Variants in SGCD observed in about 807,000 individuals in gnomAD.
SGCD encodes the protein delta-sarcoglycan.
SGCD carries 18 observed loss-of-function variants against 36.6 expected under a neutral mutation model. The ratio of observed to expected loss-of-function variants is 0.49; its 90% CI spans 0.34 to 0.73. SGCD has a LOEUF of 0.73. SGCD is among the 30% of genes least tolerant of loss of function. The pLI, the probability that SGCD is intolerant of heterozygous loss-of-function variation, is 0.01. For synonymous variants in SGCD, 133 were observed against 130.6 expected, an observed-to-expected ratio of 1.02 and a Z score of -0.12; for missense variants, 387 against 346.7, an observed-to-expected ratio of 1.12 and a Z score of -0.92.
chr5:156,571,505 T>C (rs776397800), intron 4 of SGCD, among the ~76,000 whole-genome samples: 2 of 152,180 alleles, frequency 1.3e-5, no homozygotes, highest in Admixed American at 1.3e-4. Flanking sequence ...CAGTAACCTC[T>C]ATAGCACCCT....
rs557226978 is a variant in SGCD at position 156,009,393 on chromosome 5, G to C, written c.-281-108485G>C. On this transcript the variant is annotated intron_variant, in intron 1 of 9. Coordinates refer to the SGCD transcript ENST00000517913. ...CTCTACCATATACATACCTACACCT[G>C]GTCAAGATCTTGGCCAAGTGGCTCA... is the stretch of plus-strand genomic sequence containing the variant. 1.2e-3 allele frequency among the ~76,000 whole-genome samples: 182 copies of C among 152,152 alleles called. 1 individual carries two copies. The highest frequency in any genetic ancestry group is 4.1e-3 in the African/African-American group (171 of 41,496).
At chr5:155,779,018 A>G in the SGCD span, among the ~76,000 whole-genome samples, 1 of 152,162 alleles carries the variant, frequency 6.6e-6, no homozygotes, top group Non-Finnish European at 1.5e-5. Flanking sequence ...GGAAAATTGT[A>G]TTGCCATCTC....
At chr5:155,998,851 G>T (rs1181494002) in intron 1 of SGCD, among the ~76,000 whole-genome samples, 4 of 152,112 alleles carry the variant, frequency 2.6e-5, no homozygotes, top group African/African-American at 4.8e-5. Context: ...GCTGGGAACT[G>T]GACATATTAC....
intron 7 of SGCD, among the ~76,000 whole-genome samples, chr5:156,678,036 T>C (rs1365877132): frequency 1.3e-5 from 2 of 152,162 alleles, no homozygotes; most frequent in African/African-American, 4.8e-5. Flanking sequence ...GGGGACCAGC[T>C]GGGGAGTTTA....
At chr5:155,880,945 A>G (rs936291450) in intron 1 of SGCD, among the ~76,000 whole-genome samples, 10 of 152,156 alleles carry the variant, frequency 6.6e-5, no homozygotes, top group Non-Finnish European at 1.2e-4. Flanking sequence ...TCTTTTTCTT[A>G]GAATGAAAAC....
At position 156,136,963 on chromosome 5, in the gene SGCD, G is replaced by A. The variant is rs1445624297; in HGVS notation, c.-44+12944G>A. Reference sequence around the variant, plus strand: ...AATAAAGAAATCAAGAAACCACTCAGTAAAGGTCTTAAAATTGGGAACTAT... The same window carrying A: ...AATAAAGAAATCAAGAAACCACTCAATAAAGGTCTTAAAATTGGGAACTAT... On this transcript the variant is annotated intron_variant, in intron 3 of 9. Transcript: ENST00000517913. 3.9e-5 allele frequency among the ~76,000 whole-genome samples: 6 copies of A among 152,144 alleles called. No homozygotes were observed. In the South Asian group the frequency reaches 1.0e-3, roughly 26 times the overall value.
chr5:156,466,936 A>G (rs1754745687), intron 3 of SGCD, among the ~76,000 whole-genome samples: 1 of 152,186 alleles, frequency 6.6e-6, no homozygotes, highest in Non-Finnish European at 1.5e-5. Flanking sequence ...AAAAGCCACA[A>G]AGGGCCTGTA....
At chr5:156,639,810 T>C (rs1762962321) in intron 6 of SGCD, among the ~76,000 whole-genome samples, 1 of 152,116 alleles carries the variant, frequency 6.6e-6, no homozygotes, top group South Asian at 2.1e-4. Context: ...ACCCCATTCC[T>C]GGTCTTCTTT....
chr5:155,770,229 C>T, the SGCD span, among the ~76,000 whole-genome samples: 9 of 152,022 alleles, frequency 5.9e-5, no homozygotes, highest in Non-Finnish European at 8.8e-5. Context: ...TGGGGAGAGA[C>T]CAAACATAAT....
chr5:156,691,454 A>C (rs1754108654), intron 7 of SGCD, among the ~76,000 whole-genome samples: 1 of 152,150 alleles, frequency 6.6e-6, no homozygotes, highest in Non-Finnish European at 1.5e-5. Flanking sequence ...AAGGGTCAAT[A>C]AATTTTTTCT....
chr5:156,051,835 T>C lies in SGCD; in HGVS notation c.-281-66043T>C, dbSNP rs549253519. Among the ~76,000 whole-genome samples the C allele has an allele frequency of 3.4e-4, 49 of 145,834 alleles. 2 individuals carry two copies. Among genetic ancestry groups the C allele is most frequent in the African/African-American group, 1.2e-3 (48 of 40,656 alleles). On this transcript the variant is annotated intron_variant, in intron 1 of 9. Coordinates refer to the SGCD transcript ENST00000517913. ...AGGAGCCAACCCTGTCTGTATGTTTTAGTGCATGTAGTGTGTGCTGGGGGA... is the reference window on the plus strand; with the variant it reads ...AGGAGCCAACCCTGTCTGTATGTTTCAGTGCATGTAGTGTGTGCTGGGGGA...
At chr5:155,890,009 G>A (rs767424503) in intron 1 of SGCD, among the ~76,000 whole-genome samples, 1 of 152,162 alleles carries the variant, frequency 6.6e-6, no homozygotes, top group Admixed American at 6.5e-5. Flanking sequence ...CATATTTTAG[G>A]TATCACCTGC....
intron 3 of SGCD, among the ~76,000 whole-genome samples, chr5:156,397,657 C>T (rs1771931816): frequency 6.6e-6 from 1 of 152,196 alleles, no homozygotes. Context: ...GTGGGAAAAG[C>T]ATCCCTGTCT....
At chr5:156,521,552 G>C (rs1337658732) in intron 4 of SGCD, among the ~76,000 whole-genome samples, 2 of 152,148 alleles carry the variant, frequency 1.3e-5, no homozygotes, top group Admixed American at 1.3e-4. Flanking sequence ...CGAACAGACA[G>C]TTCTCAAAAG....
At chr5:155,769,443 A>T in the SGCD span, among the ~76,000 whole-genome samples, 1 of 152,030 alleles carries the variant, frequency 6.6e-6, no homozygotes, top group African/African-American at 2.4e-5. Context: ...TGACCAAAAA[A>T]AAAAAAAAAT....
At chr5:156,687,469 GA>G (rs1389915579) in intron 7 of SGCD, among the ~76,000 whole-genome samples, 1 of 152,168 alleles carries the variant, frequency 6.6e-6, no homozygotes, top group Non-Finnish European at 1.5e-5. Flanking sequence ...GCTATTTACT[GA>G]AGGCATAAAA....
chr5:156,440,118 A>G (rs1400130870), intron 3 of SGCD, among the ~76,000 whole-genome samples: 2 of 152,096 alleles, frequency 1.3e-5, no homozygotes, highest in African/African-American at 2.4e-5. Context: ...CCCCATGCCC[A>G]CTTAATCATT....
chr5:156,132,441 T>C (rs1027181457), intron 3 of SGCD, among the ~76,000 whole-genome samples: 2 of 146,846 alleles, frequency 1.4e-5, no homozygotes, highest in African/African-American at 5.0e-5. Flanking sequence ...AGCGGAACTG[T>C]GGCTAACTTA....
At chr5:156,022,467 T>G (rs760302294) in intron 1 of SGCD, among the ~76,000 whole-genome samples, 4 of 152,240 alleles carry the variant, frequency 2.6e-5, no homozygotes, top group Non-Finnish European at 5.9e-5. Context: ...ATGTAGTTTC[T>G]TTTTTGAAGA....
Sources: allele counts gnomAD v4.1 joint callset (sites outside exome capture counted in the v4.1 genomes callset), GRCh38; gene constraint gnomAD v4.1.1; transcripts MANE v1.5; gene names NCBI Gene and HGNC (gene_info 2026-07-23, HGNC 2026-07-21).